The following PTPRQ variants were observed in gnomAD, a reference collection of about 807,000 sequenced individuals.
PTPRQ encodes phosphatidylinositol phosphatase PTPRQ.
Under a neutral mutation model 246.0 loss-of-function variants are expected in PTPRQ, and 199 were observed. The observed-to-expected ratio is 0.81, with a 90% confidence interval of 0.72 to 0.91. The LOEUF is 0.91. PTPRQ is among the 40% of genes least tolerant of loss of function. The pLI is 0.00. For missense variants in PTPRQ, 2,624 were observed against 2,528.4 expected (o/e 1.04, Z -0.81); for synonymous variants, 869 against 853.2 (o/e 1.02, Z -0.32).
intron 25 of PTPRQ, among the ~76,000 whole-genome samples, chr12:80,569,344 T>C (rs1897074465): frequency 7.1e-6 from 1 of 141,448 alleles, no homozygotes; most frequent in Admixed American, 7.4e-5. Flanking sequence ...GCCCATTTTC[T>C]TAATCCAGTC....
intron 38 of PTPRQ, among the ~76,000 whole-genome samples, chr12:80,653,563 G>A (rs886520389): frequency 1.3e-5 from 2 of 152,068 alleles, no homozygotes; most frequent in Non-Finnish European, 2.9e-5. Context: ...GTTTTGAAAT[G>A]TTCCCAATTT....
intron 32 of PTPRQ, among the ~76,000 whole-genome samples, chr12:80,621,409 A>C (rs1898983604): frequency 6.6e-6 from 1 of 151,936 alleles, no homozygotes; most frequent in Non-Finnish European, 1.5e-5. Flanking sequence ...CATGTATTGC[A>C]ACGTATTGGT....
At chr12:80,585,029 C>T (rs952243884) in intron 25 of PTPRQ, among the ~76,000 whole-genome samples, 2 of 150,574 alleles carry the variant, frequency 1.3e-5, no homozygotes, top group East Asian at 1.9e-4. Context: ...GTAAATAATT[C>T]GATAAAAATT....
chr12:80,639,205 C>T (rs140462934), intron 35 of PTPRQ, among the ~76,000 whole-genome samples: 216 of 152,294 alleles, frequency 1.4e-3, no homozygotes, highest in Middle Eastern at 3.4e-3. Context: ...AATTAAATAA[C>T]CCAACAGAAT....
Position 80,501,086 on chromosome 12 carries a change from GA to G in PTPRQ, c.2272+4562del, listed in dbSNP as rs531997606. 4.8e-3 allele frequency among the ~76,000 whole-genome samples: 736 copies of G among 151,850 alleles called. 5 individuals carry two copies. The highest frequency in any genetic ancestry group is 0.017 in the African/African-American group (695 of 41,450). ...CAGCAATTGCCAACTTCTTATAGAG[GA>G]AAAAAATTGTGGAGTTGGGGCAGAG... On this transcript the variant is annotated intron_variant, in intron 14 of 44. Transcript: ENST00000644991.
chr12:80,480,543 C>T (rs201610961), intron 8 of PTPRQ, among the ~76,000 whole-genome samples: 125,857 of 141,192 alleles, frequency 0.89, 56,702 homozygotes, highest in Non-Finnish European at 0.93. Flanking sequence ...CTGAAGGAAA[C>T]AGAGACACAA....
chr12:80,641,462 T>A (rs1211946409), intron 35 of PTPRQ, among the ~76,000 whole-genome samples: 2 of 152,208 alleles, frequency 1.3e-5, no homozygotes, highest in Non-Finnish European at 2.9e-5. Context: ...TAACCATGAA[T>A]AATACTCTGC....
chr12:80,454,523 A>T (rs1892905389), intron 3 of PTPRQ: 1 of 702,558 alleles, frequency 1.4e-6, no homozygotes, highest in South Asian at 1.5e-5. Flanking sequence ...GATTGGTGAG[A>T]GTAGACATCC....
chr12:80,605,647 A>G (rs1046283728), intron 27 of PTPRQ, among the ~76,000 whole-genome samples: 2 of 151,176 alleles, frequency 1.3e-5, no homozygotes, highest in Non-Finnish European at 3.0e-5. Flanking sequence ...GTCTTGAAAA[A>G]TAAGTGAAGC....
At chr12:80,506,380 C>T (rs1894961415) in intron 15 of PTPRQ, among the ~76,000 whole-genome samples, 174 bp downstream of exon 15, 2 of 151,862 alleles carry the variant, frequency 1.3e-5, no homozygotes. Context: ...TACTATAGAT[C>T]CATCCTTTTC....
intron 39 of PTPRQ, among the ~76,000 whole-genome samples, chr12:80,668,374 T>A (rs941643511): frequency 2.0e-5 from 3 of 151,890 alleles, no homozygotes; most frequent in Non-Finnish European, 2.9e-5. Context: ...AAATGAAACT[T>A]CATATTACCA....
chr12:80,658,177 G>T, intron 39 of PTPRQ, 116 bp downstream of exon 39: 1 of 614,414 alleles, frequency 1.6e-6, no homozygotes, highest in Non-Finnish European at 2.4e-6. Flanking sequence ...ATCTTAATAT[G>T]CTAGTTATTT....
At position 80,670,370 on chromosome 12, in the gene PTPRQ, G is replaced by A; in HGVS notation, c.6480G>A (p.Gln2160=). The change falls in exon 42 of 45, where the codon CAG becomes CAA. Residue 2160 remains glutamine, a synonymous_variant. Transcript: ENST00000644991. ...ATGGGGATTGCATGACTGTTCGACA[G>A]TGTAACTTTACTGCCTGGCCAGAGC... ...ERHGDCMTVR[Q]CNFTAWPEHG... 3 of 1,550,904 alleles carry A rather than the reference G, an allele frequency of 1.9e-6. No homozygotes were observed. Among genetic ancestry groups the A allele is most frequent in the Non-Finnish European group, 2.6e-6 (3 of 1,146,484 alleles).
chr12:80,477,674 C>T (rs527716620), intron 8 of PTPRQ, among the ~76,000 whole-genome samples: 5 of 151,986 alleles, frequency 3.3e-5, no homozygotes, highest in Admixed American at 1.3e-4. Flanking sequence ...GTGTGCGCAC[C>T]GTGTGCGAGC....
chr12:80,539,839 A>T lies in PTPRQ; in HGVS notation c.3049A>T (p.Lys1017Ter). The change falls in exon 20 of 45, where the codon AAA (lysine) becomes TAA (stop). Residue 1017 changes from lysine to a stop codon, truncating the protein, a stop_gained. Coordinates refer to ENST00000644991, the MANE Select transcript of PTPRQ (RefSeq NM_001145026.2). LOFTEE classifies it high-confidence loss of function. Reference sequence around the variant, plus strand: ...TATGACTGTATCCACAATTATAGATAAACTGACAATATTCAGCTACTATAC... The same window carrying T: ...TATGACTGTATCCACAATTATAGATTAACTGACAATATTCAGCTACTATAC... Reference protein sequence around the residue: ...DNMTVSTIIDKLTIFSYYTFW... With the variant: ...DNMTVSTIID The T allele has an allele frequency of 6.5e-7, 1 of 1,548,994 alleles. No individual in the cohort carries two copies. Among genetic ancestry groups the T allele is most frequent in the Non-Finnish European group, 8.7e-7 (1 of 1,145,838 alleles).
intron 37 of PTPRQ, among the ~76,000 whole-genome samples, chr12:80,649,935 G>A (rs984291839): frequency 8.5e-5 from 13 of 152,064 alleles, no homozygotes; most frequent in Non-Finnish European, 1.6e-4. Flanking sequence ...TCTATTCTCT[G>A]CTCTTTCATC....
At chr12:80,627,220 T>G (rs1899233825) in intron 33 of PTPRQ, among the ~76,000 whole-genome samples, 1 of 151,862 alleles carries the variant, frequency 6.6e-6, no homozygotes, top group Non-Finnish European at 1.5e-5. Context: ...ATTTCTTGAC[T>G]TATGGAATTG....
At chr12:80,665,830 G>A (rs565892076) in intron 39 of PTPRQ, among the ~76,000 whole-genome samples, 3 of 152,014 alleles carry the variant, frequency 2.0e-5, no homozygotes, top group African/African-American at 7.2e-5. Context: ...TGGCCAACAG[G>A]CATATGAAAG....
At chr12:80,649,720 G>A in intron 37 of PTPRQ, 51 bp downstream of exon 37, 2 of 1,508,310 alleles carry the variant, frequency 1.3e-6, no homozygotes, top group Non-Finnish European at 1.8e-6. Context: ...GTCGTTTCAT[G>A]TGTCACATTT....
Sources: gnomAD v4.1 joint callset for allele counts (sites outside exome capture counted in the v4.1 genomes callset) on GRCh38, gnomAD v4.1.1 for gene constraint, MANE v1.5 for transcripts, NCBI Gene and HGNC (gene_info 2026-07-23, HGNC 2026-07-21) for gene names.